The following P2RY12 variants were observed in gnomAD, a reference collection of about 807,000 sequenced individuals.
P2RY12 encodes purinergic receptor P2Y12.
A neutral mutation model predicts 4.5 loss-of-function variants in P2RY12; 3 were observed. The ratio of observed to expected loss-of-function variants is 0.67; its 90% CI spans 0.31 to 1.74. The LOEUF is 1.74. P2RY12 is among the 40% of genes most tolerant of loss of function. The pLI, the probability that P2RY12 is intolerant of heterozygous loss-of-function variation, is 0.09. For missense variants in P2RY12, 356 were observed against 407.8 expected (o/e 0.87, Z 1.09); for synonymous variants, 148 against 154.1 (o/e 0.96, Z 0.29).
At chr3:151,368,674 C>CATTTT (rs1391385450) in intron 1 of P2RY12, among the ~76,000 whole-genome samples, 25 of 55,476 alleles carry the variant, frequency 4.5e-4, no homozygotes, top group Non-Finnish European at 6.2e-4. Flanking sequence ...CATTTCATTT[C>CATTTT]ATGTCATTTC....
chr3:151,348,968 A>G (rs911062291), intron 1 of P2RY12, among the ~76,000 whole-genome samples: 1 of 152,240 alleles, frequency 6.6e-6, no homozygotes, highest in Non-Finnish European at 1.5e-5. Context: ...TTCTTTTCTC[A>G]TATAAGCTCC....
rs1398411955 is a variant in P2RY12, at chr3:151,383,926, T to A, written c.-180+766A>T. On this transcript the variant is annotated intron_variant, in intron 1 of 2. Coordinates refer to ENST00000302632, the MANE Select transcript of P2RY12 (RefSeq NM_022788.5). Reference sequence around the variant, plus strand: ...CACTTCACATTGATTTTGCTACATGTATGCATGGTATAAGCTTTGATATAC... The same window carrying A: ...CACTTCACATTGATTTTGCTACATGAATGCATGGTATAAGCTTTGATATAC... The A allele has an allele frequency of 2.6e-6, 4 of 1,555,240 alleles. No individual in the cohort carries two copies. The East Asian group carries it at 9.0e-5, about 35-fold the overall frequency.
At position 151,337,778 on chromosome 3, in the gene P2RY12, G is replaced by T. The variant is rs1751206271; in HGVS notation, c.*39C>A. The T allele has an allele frequency of 1.3e-6, 2 of 1,598,374 alleles. No individual in the cohort carries two copies. Among genetic ancestry groups the T allele is most frequent in the Admixed American group, 1.7e-5 (1 of 59,922 alleles). ...TTAGCGCTTTGCTTTAACGAGTTCT[G>T]AACACAAAGAGATTGAAATATTTCC... is the stretch of plus-strand genomic sequence containing the variant. On this transcript the variant is annotated 3_prime_UTR_variant, in exon 3 of 3. Coordinates refer to ENST00000302632, the MANE Select transcript of P2RY12 (RefSeq NM_022788.5).
chr3:151,373,103 A>G (rs1756392271), intron 1 of P2RY12, among the ~76,000 whole-genome samples: 1 of 152,136 alleles, frequency 6.6e-6, no homozygotes, highest in Non-Finnish European at 1.5e-5. Context: ...ACATAACCAA[A>G]ATATAGCTAT....
chr3:151,374,272 G>T (rs1040685668), intron 1 of P2RY12, among the ~76,000 whole-genome samples: 2 of 152,236 alleles, frequency 1.3e-5, no homozygotes, highest in Non-Finnish European at 2.9e-5. Flanking sequence ...CTAGGCTAGG[G>T]CGCAGCGGCT....
In P2RY12 at chr3:151,382,867, T is replaced by C. The variant is rs960426618; in HGVS notation, c.-180+1825A>G. On this transcript the variant is annotated intron_variant, in intron 1 of 2. Transcript: ENST00000302632. Reference sequence around the variant, plus strand: ...CAAGGTGAGGCCTTCCACTCTTTGCTCTCTGTAATTACTTCCCTGTTTCTA... The same window carrying C: ...CAAGGTGAGGCCTTCCACTCTTTGCCCTCTGTAATTACTTCCCTGTTTCTA... 7 of 679,796 alleles carry C rather than the reference T, an allele frequency of 1.0e-5. No homozygotes were observed. In the Admixed American group the frequency reaches 1.9e-4, roughly 18 times the overall value. 42.1% of individuals were successfully genotyped at this position (679,796 alleles called of 1,614,324 possible). A position where few individuals can be genotyped will look rare whatever the true frequency, so the allele number is the denominator to read the frequency against.
intron 1 of P2RY12, among the ~76,000 whole-genome samples, chr3:151,379,837 T>G (rs1050496672): frequency 5.9e-5 from 9 of 152,250 alleles, no homozygotes; most frequent in African/African-American, 2.2e-4. Flanking sequence ...GAATTCACTG[T>G]CTTCTACCCT....
intron 1 of P2RY12, chr3:151,356,064 T>TA: frequency 6.3e-7 from 1 of 1,595,994 alleles, no homozygotes; most frequent in Non-Finnish European, 8.5e-7. Flanking sequence ...ATGTTTCTCT[T>TA]ACTTTTAGGA....
intron 1 of P2RY12, chr3:151,366,018 T>A: frequency 2.0e-6 from 3 of 1,526,854 alleles, no homozygotes; most frequent in Non-Finnish European, 2.6e-6. Flanking sequence ...ATTTAAAAAT[T>A]GAACTGTGCA....
intron 1 of P2RY12, among the ~76,000 whole-genome samples, chr3:151,363,206 A>G (rs1289812949): frequency 6.6e-6 from 1 of 152,136 alleles, no homozygotes; most frequent in Non-Finnish European, 1.5e-5. Context: ...AGTTTCCTCT[A>G]TTTGAAAAAA....
chr3:151,343,890 T>A (rs570085199), intron 1 of P2RY12, among the ~76,000 whole-genome samples: 192 of 152,318 alleles, frequency 1.3e-3, no homozygotes, highest in Middle Eastern at 3.4e-3. Context: ...TGACATTTGA[T>A]AGCTCTTAGG....
intron 1 of P2RY12, among the ~76,000 whole-genome samples, chr3:151,374,505 G>A (rs1008179437): frequency 5.3e-5 from 8 of 152,100 alleles, no homozygotes; most frequent in African/African-American, 9.7e-5. Context: ...CCGAGATTGC[G>A]CCACTGCACT....
intron 2 of P2RY12, among the ~76,000 whole-genome samples, chr3:151,339,226 T>C (rs1170009356): frequency 6.6e-6 from 1 of 152,156 alleles, no homozygotes; most frequent in Non-Finnish European, 1.5e-5. Flanking sequence ...TTCCCCTCCA[T>C]GCCTTTTAGC....
At chr3:151,365,720 G>A in intron 1 of P2RY12, 1 of 802,794 alleles carries the variant, frequency 1.2e-6, no homozygotes, top group Non-Finnish European at 1.9e-6. Flanking sequence ...TGACAAATGA[G>A]TATTTTATCT....
intron 1 of P2RY12, among the ~76,000 whole-genome samples, chr3:151,369,793 A>G (rs1406443451): frequency 6.6e-6 from 1 of 152,116 alleles, no homozygotes; most frequent in African/African-American, 2.4e-5. Flanking sequence ...TAGTTGCATA[A>G]TGTCTCATTC....
chr3:151,375,248 G>A (rs1368752815), intron 1 of P2RY12, among the ~76,000 whole-genome samples: 1 of 152,200 alleles, frequency 6.6e-6, no homozygotes, highest in Non-Finnish European at 1.5e-5. Context: ...GGTAATTTTA[G>A]TGGGCAACCA....
chr3:151,370,894 A>C (rs1193452542), intron 1 of P2RY12, among the ~76,000 whole-genome samples: 1 of 152,234 alleles, frequency 6.6e-6, no homozygotes. Context: ...TCTAATCTCA[A>C]GTAGAATTTG....
chr3:151,354,981 T>C (rs752659593), intron 1 of P2RY12: 52 of 680,112 alleles, frequency 7.6e-5, no homozygotes, highest in Non-Finnish European at 1.1e-4. Context: ...TCAAGTCTTA[T>C]TGTGTATTTA....
intron 1 of P2RY12, among the ~76,000 whole-genome samples, chr3:151,365,576 G>A (rs567331601): frequency 3.9e-5 from 6 of 152,172 alleles, no homozygotes; most frequent in African/African-American, 7.2e-5. Flanking sequence ...AATGTAAATC[G>A]TAGCTCAGAT....
Sources: allele counts gnomAD v4.1 joint callset (sites outside exome capture counted in the v4.1 genomes callset), GRCh38; gene constraint gnomAD v4.1.1; transcripts MANE v1.5; gene names NCBI Gene and HGNC (gene_info 2026-07-23, HGNC 2026-07-21).